WBP1L: variants seen among roughly 807,000 people sequenced by gnomAD.
WBP1L encodes WW domain binding protein 1 like, also known as WW domain binding protein 1-like.
WBP1L carries 17 observed loss-of-function variants against 33.7 expected under a neutral mutation model. That is an observed-to-expected ratio of 0.50 (90% CI 0.34 to 0.76). WBP1L has a LOEUF of 0.76. Among genes scored for constraint, WBP1L ranks in the 30% least tolerant of loss-of-function variants. The probability of loss-of-function intolerance (pLI) is 0.01; values close to 1 mark genes in which losing one functional copy is unlikely to be tolerated. For missense variants in WBP1L, 389 were observed against 469.4 expected (o/e 0.83, Z 1.58); for synonymous variants, 173 against 190.8 (o/e 0.91, Z 0.77).
chr10:102,751,222 G>A (rs948294823), intron 1 of WBP1L, among the ~76,000 whole-genome samples: 4 of 151,982 alleles, frequency 2.6e-5, no homozygotes, highest in Non-Finnish European at 5.9e-5. Flanking sequence ...GGCTGTTCTC[G>A]AACTCCTGAC....
At position 102,814,097 on chromosome 10, in the gene WBP1L, A is replaced by C. The variant is rs1843891885; in HGVS notation, c.*766A>C. On this transcript the variant is annotated 3_prime_UTR_variant, in exon 4 of 4. Transcript: ENST00000448841. ...AAAGACAGCTGAAAACAAGAACTTCACCGGTGGGCAGGCAAGAATTCTCTT... is the reference window on the plus strand; with the variant it reads ...AAAGACAGCTGAAAACAAGAACTTCCCCGGTGGGCAGGCAAGAATTCTCTT... 1 of 152,178 alleles carries C rather than the reference A, an allele frequency of 6.6e-6. No homozygotes were observed. Among genetic ancestry groups the C allele is most frequent in the Non-Finnish European group, 1.5e-5 (1 of 68,030 alleles). 9.4% of individuals were successfully genotyped at this position (152,178 alleles called of 1,614,324 possible). A position where few individuals can be genotyped will look rare whatever the true frequency, so the allele number is the denominator to read the frequency against.
At position 102,762,086 on chromosome 10, in the gene WBP1L, C is replaced by T. The variant is rs1171240043; in HGVS notation, c.90+17943C>T. ...TACGTTGGTCTAGAACTCCTGGCCTCAAGCATTCTTCCCACCTCAGCTTCC... is the reference window on the plus strand; with the variant it reads ...TACGTTGGTCTAGAACTCCTGGCCTTAAGCATTCTTCCCACCTCAGCTTCC... On this transcript the variant is annotated intron_variant, in intron 1 of 3. Coordinates refer to ENST00000448841, the MANE Select transcript of WBP1L (RefSeq NM_001083913.2). Among the ~76,000 whole-genome samples the T allele has an allele frequency of 7.2e-5, 11 of 152,142 alleles. No homozygotes were observed. In the East Asian group the frequency reaches 2.1e-3, roughly 29 times the overall value.
At chr10:102,766,236 G>C (rs1681177765) in intron 1 of WBP1L, among the ~76,000 whole-genome samples, 1 of 151,974 alleles carries the variant, frequency 6.6e-6, no homozygotes, top group Non-Finnish European at 1.5e-5. Context: ...CAGGTCGGGA[G>C]TTTGAGACCA....
At chr10:102,746,704 G>A (rs1467514992) in intron 1 of WBP1L, among the ~76,000 whole-genome samples, 1 of 152,034 alleles carries the variant, frequency 6.6e-6, no homozygotes, top group Non-Finnish European at 1.5e-5. Context: ...AGTACCCATG[G>A]TCCTTAATTC....
chr10:102,800,282 A>G (rs965619747), intron 2 of WBP1L, among the ~76,000 whole-genome samples: 5 of 152,222 alleles, frequency 3.3e-5, no homozygotes, highest in Non-Finnish European at 7.3e-5. Flanking sequence ...GCCAGGCGGC[A>G]TCAGTTGTGA....
chr10:102,784,429 T>C (rs1843382504), intron 1 of WBP1L, among the ~76,000 whole-genome samples: 1 of 144,770 alleles, frequency 6.9e-6, no homozygotes, highest in African/African-American at 2.6e-5. Flanking sequence ...TTCTTTTTTT[T>C]TTTTTTTTTT....
chr10:102,789,941 T>C (rs1323153864), intron 1 of WBP1L, among the ~76,000 whole-genome samples: 1 of 151,950 alleles, frequency 6.6e-6, no homozygotes, highest in African/African-American at 2.4e-5. Flanking sequence ...GGTTTCACAG[T>C]GTTAGCCAGG....
At chr10:102,757,868 A>C (rs1590167847) in intron 1 of WBP1L, among the ~76,000 whole-genome samples, 19 of 65,878 alleles carry the variant, frequency 2.9e-4, no homozygotes, top group Admixed American at 5.6e-4. Context: ...GAGCCACTGT[A>C]CCTGCCCTCC....
At chr10:102,751,792 G>A (rs1418940332) in intron 1 of WBP1L, among the ~76,000 whole-genome samples, 1 of 152,084 alleles carries the variant, frequency 6.6e-6, no homozygotes, top group Non-Finnish European at 1.5e-5. Flanking sequence ...CCTTGAGCAA[G>A]TTACATAACC....
chr10:102,755,012 C>T (rs556558645), intron 1 of WBP1L, among the ~76,000 whole-genome samples: 6 of 151,924 alleles, frequency 3.9e-5, no homozygotes, highest in South Asian at 2.1e-4. Flanking sequence ...TGCATTGGCA[C>T]GACCTTGGCT....
intron 3 of WBP1L, 34 bp from the exon 4 acceptor site, chr10:102,812,561 G>T (rs767880005): frequency 7.8e-6 from 12 of 1,544,558 alleles, no homozygotes; most frequent in Non-Finnish European, 8.7e-6. Flanking sequence ...AATGACCAGT[G>T]CAGTAATTTC....
At chr10:102,762,856 C>G (rs541674194) in intron 1 of WBP1L, among the ~76,000 whole-genome samples, 12 of 152,204 alleles carry the variant, frequency 7.9e-5, no homozygotes, top group African/African-American at 2.6e-4. Flanking sequence ...CGGTACAGTA[C>G]TGGGGGTTTC....
At chr10:102,790,573 C>T (rs1323646976) in intron 1 of WBP1L, among the ~76,000 whole-genome samples, 1 of 152,022 alleles carries the variant, frequency 6.6e-6, no homozygotes, top group Non-Finnish European at 1.5e-5. Context: ...TACAATGGTG[C>T]AATCTCGGCT....
intron 1 of WBP1L, among the ~76,000 whole-genome samples, chr10:102,782,988 T>A (rs2253709): frequency 0.28 from 42,196 of 151,986 alleles, 6,137 homozygotes; most frequent in Admixed American, 0.3. Context: ...GGTCTCGATG[T>A]GGTTTCAAAT....
intron 1 of WBP1L, among the ~76,000 whole-genome samples, chr10:102,755,582 G>A (rs1842965405): frequency 1.3e-5 from 2 of 150,240 alleles, no homozygotes; most frequent in East Asian, 2.0e-4. Context: ...ATTAGAGATC[G>A]GGATTTCACC....
rs1470614071 is a variant in WBP1L at position 102,813,218 on chromosome 10, C to T, written c.979C>T (p.Gln327Ter). 1.2e-6 allele frequency: 2 copies of T among 1,613,020 alleles called. No homozygotes were observed. The highest frequency in any genetic ancestry group is 1.3e-5 in the African/African-American group (1 of 75,000). Residue 327 changes from glutamine to a stop codon, truncating the protein, a stop_gained, in exon 4 of 4, where the codon CAG becomes TAG. Transcript: ENST00000448841. LOFTEE classifies it high-confidence loss of function. ...EEGLCQSSEE[Q>*]AREPGHPHLP... Reference sequence around the variant, plus strand: ...AGGCCTCTGTCAGTCCTCTGAGGAGCAGGCTCGAGAGCCTGGGCACCCGCA... The same window carrying T: ...AGGCCTCTGTCAGTCCTCTGAGGAGTAGGCTCGAGAGCCTGGGCACCCGCA...
intron 1 of WBP1L, among the ~76,000 whole-genome samples, chr10:102,792,753 C>T (rs954083008): frequency 2.0e-5 from 3 of 152,046 alleles, no homozygotes; most frequent in Admixed American, 1.3e-4. Context: ...TGCCACCACA[C>T]CTGGCTAATT....
At chr10:102,766,640 C>T (rs570754015) in intron 1 of WBP1L, among the ~76,000 whole-genome samples, 3 of 151,278 alleles carry the variant, frequency 2.0e-5, no homozygotes, top group East Asian at 3.9e-4. Context: ...AAAAGCCGGC[C>T]TGGCCAACAT....
chr10:102,768,761 C>T (rs1481770741), intron 1 of WBP1L, among the ~76,000 whole-genome samples: 1 of 146,736 alleles, frequency 6.8e-6, no homozygotes, highest in Non-Finnish European at 1.5e-5. Context: ...GATCTCGGCT[C>T]ACTGAAAGCT....
Sources: gnomAD v4.1 joint callset for allele counts (sites outside exome capture counted in the v4.1 genomes callset) on GRCh38, gnomAD v4.1.1 for gene constraint, MANE v1.5 for transcripts, NCBI Gene and HGNC (gene_info 2026-07-23, HGNC 2026-07-21) for gene names.